MOCOS: variants seen among roughly 807,000 people sequenced by gnomAD.
MOCOS encodes the protein human molybdenum cofactor sulfurase.
Under a neutral mutation model 83.6 loss-of-function variants are expected in MOCOS, and 86 were observed. That is an observed-to-expected ratio of 1.03 (90% CI 0.86 to 1.23). The LOEUF (loss-of-function observed/expected upper bound fraction) is 1.23. MOCOS is among the 50% of genes most tolerant of loss of function. MOCOS has a pLI of 0.00. For missense variants in MOCOS, 1,120 were observed against 1,126.9 expected (o/e 0.99, Z 0.09); for synonymous variants, 445 against 434.7 (o/e 1.02, Z -0.29).
At chr18:36,199,585 A>G (rs2091403048) in intron 3 of MOCOS, 98 bp from the exon 4 acceptor site, 2 of 1,572,150 alleles carry the variant, frequency 1.3e-6, no homozygotes, top group Admixed American at 3.3e-5. Context: ...CTATCCATTA[A>G]GGTAGAGATG....
intron 7 of MOCOS, among the ~76,000 whole-genome samples, chr18:36,214,792 AAC>A (rs1409908126): frequency 6.6e-6 from 1 of 152,126 alleles, no homozygotes; most frequent in Non-Finnish European, 1.5e-5. Context: ...TCAGAACACA[AAC>A]ACAGCTCCAG....
chr18:36,269,905 G>T lies in MOCOS; in HGVS notation c.*1220G>T, dbSNP rs529342. 0.79 allele frequency: 119,817 copies of T among 152,186 alleles called. 47,660 individuals are homozygous for T. The highest frequency in any genetic ancestry group is 0.88 in the African/African-American group (36,708 of 41,522). The allele number at this position is 152,186 out of a possible 1,614,324, so 9.4% of individuals were successfully genotyped here. A position where few individuals can be genotyped will look rare whatever the true frequency, so the allele number is the denominator to read the frequency against. Reference sequence around the variant, plus strand: ...GGCTCCAGGCTCAGGCTTCCCTAATGTATCTGTTCAGAGCCTGTGGGATTC... The same window carrying T: ...GGCTCCAGGCTCAGGCTTCCCTAATTTATCTGTTCAGAGCCTGTGGGATTC... On this transcript the variant is annotated 3_prime_UTR_variant, in exon 15 of 15. Transcript: ENST00000261326.
chr18:36,257,898 A>T (rs1166020226), intron 12 of MOCOS, among the ~76,000 whole-genome samples: 1 of 152,216 alleles, frequency 6.6e-6, no homozygotes, highest in African/African-American at 2.4e-5. Flanking sequence ...AATAAAGCTG[A>T]CTAAGCCACC....
chr18:36,211,546 C>T (rs2091455490), intron 6 of MOCOS, among the ~76,000 whole-genome samples: 1 of 152,090 alleles, frequency 6.6e-6, no homozygotes, highest in Non-Finnish European at 1.5e-5. Flanking sequence ...GGCTGGGAGC[C>T]TCCAGGGCAT....
rs767057743 is a variant in MOCOS at position 36,195,359 on chromosome 18, A to G, written c.232+13A>G. On this transcript the variant is annotated intron_variant, in intron 2 of 14. Transcript: ENST00000261326. ...GAAAACACTTATGGTAAAGAAAAACACCTGAAACAGGTTTTAGTCAACTAC... is the reference window on the plus strand; with the variant it reads ...GAAAACACTTATGGTAAAGAAAAACGCCTGAAACAGGTTTTAGTCAACTAC... 2.5e-6 allele frequency: 4 copies of G among 1,608,134 alleles called. No individual in the cohort carries two copies. Among genetic ancestry groups the G allele is most frequent in the South Asian group, 1.1e-5 (1 of 90,966 alleles).
chr18:36,265,495 G>T (rs2091678873), intron 13 of MOCOS, among the ~76,000 whole-genome samples: 1 of 152,140 alleles, frequency 6.6e-6, no homozygotes, highest in African/African-American at 2.4e-5. Flanking sequence ...ATTTGTATTT[G>T]CCCGTGAGTG....
At chr18:36,224,910 T>C (rs887992635) in intron 9 of MOCOS, among the ~76,000 whole-genome samples, 2 of 152,080 alleles carry the variant, frequency 1.3e-5, no homozygotes, top group Non-Finnish European at 2.9e-5. Context: ...TGTTGAGAGG[T>C]TTTTGATTAC....
chr18:36,225,975 A>G (rs1406352935), intron 9 of MOCOS, among the ~76,000 whole-genome samples: 1 of 146,780 alleles, frequency 6.8e-6, no homozygotes, highest in Non-Finnish European at 1.5e-5. Flanking sequence ...AACATGATCT[A>G]TCCTGGAGAA....
chr18:36,231,343 G>A (rs2091536949), intron 9 of MOCOS, among the ~76,000 whole-genome samples: 2 of 152,216 alleles, frequency 1.3e-5, no homozygotes, highest in South Asian at 4.1e-4. Flanking sequence ...GTTTGTGTCT[G>A]TTTTTATCAG....
intron 7 of MOCOS, among the ~76,000 whole-genome samples, chr18:36,213,934 C>CCAA (rs2091465385): frequency 1.4e-5 from 2 of 141,194 alleles, no homozygotes; most frequent in African/African-American, 5.3e-5. Context: ...CCATCCCCCT[C>CCAA]CAACCAAAGA....
intron 11 of MOCOS, among the ~76,000 whole-genome samples, chr18:36,255,424 T>A (rs1250674241): frequency 6.6e-6 from 1 of 152,158 alleles, no homozygotes; most frequent in African/African-American, 2.4e-5. Context: ...TACAGGAGGA[T>A]CATTTGCCCA....
In MOCOS at chr18:36,218,707, A is replaced by T. The variant is rs1329404640; in HGVS notation, c.1798-1348A>T. Among the ~76,000 whole-genome samples, 5 of 150,684 alleles carry T rather than the reference A, an allele frequency of 3.3e-5. No homozygotes were observed. The East Asian group carries it at 1.0e-3, about 30-fold the overall frequency. ...TTTTTAATTTTCATTTTTTTTAGAG[A>T]CAGGGTCTTGCTATGTTGATCAGGC... On this transcript the variant is annotated intron_variant, in intron 8 of 14. Transcript: ENST00000261326.
chr18:36,214,244 CAAAAAAA>C lies in MOCOS; in HGVS notation c.1335+774_1335+780del, dbSNP rs33965546. Among the ~76,000 whole-genome samples, 46 of 91,360 alleles carry C rather than the reference CAAAAAAA, an allele frequency of 5.0e-4. No individual in the cohort carries two copies. The East Asian group carries it at 1.0e-2, about 20-fold the overall frequency. 59.9% of individuals were successfully genotyped at this position (91,360 alleles called of 152,430 possible). A position where few individuals can be genotyped will look rare whatever the true frequency, so the allele number is the denominator to read the frequency against. ...GGGCAAAAAGAGCAAAACTCAGTCT[CAAAAAAA>C]AAAAAAAAAAAGAAAAGAAAAAAAA... On this transcript the variant is annotated intron_variant, in intron 7 of 14. Transcript: ENST00000261326.
At chr18:36,224,059 T>G (rs763409910) in intron 9 of MOCOS, among the ~76,000 whole-genome samples, 48 of 152,298 alleles carry the variant, frequency 3.2e-4, no homozygotes, top group South Asian at 8.3e-4. Flanking sequence ...GGGATTGGTC[T>G]TCTTATTTCC....
intron 9 of MOCOS, among the ~76,000 whole-genome samples, chr18:36,222,512 A>T (rs1442960822): frequency 6.6e-6 from 1 of 151,886 alleles, no homozygotes; most frequent in African/African-American, 2.4e-5. Flanking sequence ...AACATTTTCC[A>T]TATACCCATT....
chr18:36,239,503 C>A (rs540041426), intron 9 of MOCOS, among the ~76,000 whole-genome samples: 2,729 of 151,560 alleles, frequency 0.018, 81 homozygotes, highest in African/African-American at 0.063. Context: ...CCAAGAGATC[C>A]GCTGTTAGTC....
At chr18:36,250,390 G>T (rs1479005792) in intron 10 of MOCOS, among the ~76,000 whole-genome samples, 2 of 152,186 alleles carry the variant, frequency 1.3e-5, no homozygotes, top group African/African-American at 2.4e-5. Context: ...CTACATCCAA[G>T]TTGGACCCCA....
At chr18:36,267,625 C>A (rs907555920) in intron 14 of MOCOS, among the ~76,000 whole-genome samples, 5 of 152,120 alleles carry the variant, frequency 3.3e-5, no homozygotes, top group Non-Finnish European at 7.3e-5. Context: ...AAATGGCCTG[C>A]AGAGTAGTGC....
intron 6 of MOCOS, among the ~76,000 whole-genome samples, chr18:36,212,723 C>T (rs1455663074): frequency 6.6e-6 from 1 of 152,136 alleles, no homozygotes; most frequent in Admixed American, 6.5e-5. Context: ...CTCTGGCCAC[C>T]CCACATGTGA....
Sources: allele counts gnomAD v4.1 joint callset (sites outside exome capture counted in the v4.1 genomes callset), GRCh38; gene constraint gnomAD v4.1.1; transcripts MANE v1.5; gene names NCBI Gene and HGNC (gene_info 2026-07-23, HGNC 2026-07-21).